The following ABCA1 variants were observed in gnomAD, a reference collection of about 807,000 sequenced individuals.
ABCA1 encodes the protein phospholipid-transporting ATPase ABCA1.
In ABCA1, 133 loss-of-function variants were observed where a neutral mutation model predicts 262.5. The observed-to-expected ratio is 0.51, with a 90% CI of 0.44 to 0.59. The LOEUF (loss-of-function observed/expected upper bound fraction) is 0.59. Among genes scored for constraint, ABCA1 ranks in the 20% least tolerant of loss-of-function variants. The probability of loss-of-function intolerance (pLI) is 0.00; values close to 1 mark genes in which losing one functional copy is unlikely to be tolerated. For synonymous variants in ABCA1, 1,022 were observed against 1,043.5 expected, an observed-to-expected ratio of 0.98 and a Z score of 0.40; for missense variants, 2,452 against 2,777.5, an observed-to-expected ratio of 0.88 and a Z score of 2.63.
chr9:104,910,089 G>A (rs866748556), intron 1 of ABCA1, among the ~76,000 whole-genome samples: 1 of 152,128 alleles, frequency 6.6e-6, no homozygotes, highest in Non-Finnish European at 1.5e-5. Flanking sequence ...CTATCGAAGG[G>A]TGACAGTCAG....
chr9:104,908,916 G>A (rs1047473480), intron 1 of ABCA1, among the ~76,000 whole-genome samples: 1 of 152,224 alleles, frequency 6.6e-6, no homozygotes, highest in African/African-American at 2.4e-5. Context: ...GAGCATGGCA[G>A]TGGTAGATAC....
At chr9:104,837,352 T>C in intron 10 of ABCA1, 76 bp downstream of exon 10, 9 of 1,593,550 alleles carry the variant, frequency 5.6e-6, no homozygotes, top group Non-Finnish European at 7.7e-6. Flanking sequence ...CGCACACCTC[T>C]GAAGCTACCT....
chr9:104,906,581 C>A (rs1219176255), intron 1 of ABCA1, among the ~76,000 whole-genome samples: 1 of 151,954 alleles, frequency 6.6e-6, no homozygotes, highest in Non-Finnish European at 1.5e-5. Context: ...ACTGACCTGG[C>A]CTCCTGCACA....
intron 17 of ABCA1, 55 bp downstream of exon 17, chr9:104,825,628 G>C: frequency 6.4e-7 from 1 of 1,565,050 alleles, no homozygotes; most frequent in Non-Finnish European, 8.8e-7. Flanking sequence ...CTAGCACAAA[G>C]AAAGGACATC....
chr9:104,914,188 T>C (rs140348304), intron 1 of ABCA1, among the ~76,000 whole-genome samples: 3,531 of 151,998 alleles, frequency 0.023, 58 homozygotes, highest in Non-Finnish European at 0.034. Flanking sequence ...ATTAGAAATC[T>C]GAGCCTTGGC....
intron 5 of ABCA1, among the ~76,000 whole-genome samples, chr9:104,868,654 A>G (rs1381130130): frequency 6.6e-6 from 1 of 152,242 alleles, no homozygotes; most frequent in East Asian, 1.9e-4. Flanking sequence ...CTGGAGGAGC[A>G]AACAGTGACC....
chr9:104,815,155 G>A (rs1219383652), intron 25 of ABCA1, among the ~76,000 whole-genome samples: 1 of 152,166 alleles, frequency 6.6e-6, no homozygotes, highest in Non-Finnish European at 1.5e-5. Flanking sequence ...AAGACAGAAT[G>A]AGCAGGAGGA....
intron 7 of ABCA1, among the ~76,000 whole-genome samples, chr9:104,852,536 A>G (rs112164144): frequency 1.4e-4 from 21 of 152,366 alleles, no homozygotes; most frequent in Non-Finnish European, 2.6e-4. Flanking sequence ...AGATCTGGCA[A>G]CAATATTTAA....
Position 104,802,921 on chromosome 9 carries a change from G to A in ABCA1, c.4592+363C>T, listed in dbSNP as rs373238773. On this transcript the variant is annotated intron_variant, in intron 33 of 49. Transcript: ENST00000374736. Reference sequence around the variant, plus strand: ...TAAGAAGCCTCGGGAATCTGGTTTGGGGGGAAAGTACAAGTAGGTATTCCC... The same window carrying A: ...TAAGAAGCCTCGGGAATCTGGTTTGAGGGGAAAGTACAAGTAGGTATTCCC... 2.7e-3 allele frequency among the ~76,000 whole-genome samples: 406 copies of A among 152,220 alleles called. 1 individual carries two copies. The highest frequency in any genetic ancestry group is 9.5e-3 in the African/African-American group (393 of 41,542).
intron 1 of ABCA1, among the ~76,000 whole-genome samples, chr9:104,918,672 C>A (rs73664378): frequency 0.11 from 17,072 of 152,154 alleles, 1,183 homozygotes; most frequent in African/African-American, 0.2. Context: ...TACCAGACAA[C>A]AGCCTAACCC....
chr9:104,883,072 T>C lies in ABCA1; in HGVS notation c.388A>G (p.Arg130Gly), dbSNP rs759052376. The part of the protein sequence containing the change: ...TSMKDMRKVL[R>G]TLQQIKKSSS... ...GATTTCTTGATCTGCTGTAATGTTCTCAGAACTTTGCGCATGTCCTTCATG... is the reference window on the plus strand; with the variant it reads ...GATTTCTTGATCTGCTGTAATGTTCCCAGAACTTTGCGCATGTCCTTCATG... Residue 130 changes from arginine (R) to glycine (G), a missense_variant, in exon 5 of 50, where the codon AGA becomes GGA. Transcript: ENST00000374736. The C allele has an allele frequency of 1.2e-6, 2 of 1,614,244 alleles. No homozygotes were observed. Among genetic ancestry groups the C allele is most frequent in the Non-Finnish European group, 1.7e-6 (2 of 1,180,020 alleles).
In ABCA1 at chr9:104,844,305, G is replaced by A. The variant is rs976503785; in HGVS notation, c.813+1172C>T. Among the ~76,000 whole-genome samples the A allele has an allele frequency of 4.2e-5, 6 of 142,504 alleles. No individual in the cohort carries two copies. In the East Asian group the frequency reaches 2.0e-3, roughly 47 times the overall value. The allele number at this position is 142,504 out of a possible 152,430, so 93.5% of individuals were successfully genotyped here. A position where few individuals can be genotyped will look rare whatever the true frequency, so the allele number is the denominator to read the frequency against. ...CCAGTTGGTCCAGCTTCTCTACCTA[G>A]TAAAAAAGGTTACCAGCCTTCATAA... On this transcript the variant is annotated intron_variant, in intron 8 of 49. Transcript: ENST00000374736.
Position 104,884,538 on chromosome 9 carries a change from G to T in ABCA1, c.191C>A (p.Ala64Glu), listed in dbSNP as rs1838979948. The T allele has an allele frequency of 1.9e-6, 3 of 1,614,100 alleles. No homozygotes were observed. The Admixed American group carries it at 5.0e-5, about 27-fold the overall frequency. The change falls in exon 4 of 50, where the codon GCA becomes GAA. Residue 64 changes from alanine to glutamate, a missense_variant. Ala to Glu is a moderately radical substitution (Grantham distance 107). Coordinates refer to ENST00000374736, the MANE Select transcript of ABCA1 (RefSeq NM_005502.4). ...CCCCTGAACCCAAGGAAGTGTTCCT[G>T]CAGAGGGCATGGCTTTATTTGGAAA... Reference protein sequence around the residue: ...CHFPNKAMPSAGTLPWVQGII... With the variant: ...CHFPNKAMPSEGTLPWVQGII...
intron 31 of ABCA1, among the ~76,000 whole-genome samples, chr9:104,805,366 C>G (rs913248012): frequency 2.0e-5 from 3 of 152,174 alleles, no homozygotes; most frequent in Admixed American, 6.5e-5. Context: ...TGAGCCACCC[C>G]GCACCTGGAC....
At chr9:104,925,861 GA>G (rs1338042998) in intron 1 of ABCA1, among the ~76,000 whole-genome samples, 2 of 152,110 alleles carry the variant, frequency 1.3e-5, no homozygotes, top group East Asian at 3.9e-4. Context: ...ACTCTCAACA[GA>G]AACGGAAAGT....
chr9:104,851,646 G>A (rs1327168373), intron 7 of ABCA1, among the ~76,000 whole-genome samples: 2 of 152,176 alleles, frequency 1.3e-5, no homozygotes, highest in African/African-American at 4.8e-5. Flanking sequence ...ATCAGGGACT[G>A]TATCACACCC....
intron 28 of ABCA1, 67 bp downstream of exon 28, chr9:104,812,507 T>C: frequency 6.2e-7 from 1 of 1,603,216 alleles, no homozygotes. Context: ...TATCCTGCCT[T>C]CACTGGTCAC....
chr9:104,822,972 T>C (rs1832498123), intron 18 of ABCA1, among the ~76,000 whole-genome samples: 1 of 151,626 alleles, frequency 6.6e-6, no homozygotes, highest in Admixed American at 6.6e-5. Flanking sequence ...GGAACTGTGA[T>C]ACACCCCTCC....
intron 27 of ABCA1, among the ~76,000 whole-genome samples, chr9:104,813,183 C>T (rs1287507212): frequency 6.6e-6 from 1 of 152,148 alleles, no homozygotes; most frequent in African/African-American, 2.4e-5. Context: ...AGTACTGATA[C>T]TGTATGAAGT....
Sources: allele counts gnomAD v4.1 joint callset (sites outside exome capture counted in the v4.1 genomes callset), GRCh38; gene constraint gnomAD v4.1.1; transcripts MANE v1.5; gene names NCBI Gene and HGNC (gene_info 2026-07-23, HGNC 2026-07-21).